Variants in ABR observed in about 807,000 individuals in gnomAD.
ABR encodes the protein active breakpoint cluster region-related protein.
Under a neutral mutation model 107.2 loss-of-function variants are expected in ABR, and 35 were observed. That is an observed-to-expected ratio of 0.33 (90% CI 0.25 to 0.43). ABR has a LOEUF of 0.43. Among genes scored for constraint, ABR ranks in the 20% least tolerant of loss-of-function variants. The pLI is 1.00. For missense variants in ABR, 815 were observed against 1,115.2 expected (o/e 0.73, Z 3.83); for synonymous variants, 498 against 462.0 (o/e 1.08, Z -1.00).
chr17:1,088,926 C>T (rs111289000), intron 4 of ABR, among the ~76,000 whole-genome samples: 5 of 129,148 alleles, frequency 3.9e-5, no homozygotes, highest in South Asian at 2.6e-4. Context: ...GACAGAGTCT[C>T]AGTCTGTCAT....
intron 10 of ABR, among the ~76,000 whole-genome samples, chr17:1,061,707 C>A (rs997330512): frequency 6.6e-6 from 1 of 152,064 alleles, no homozygotes; most frequent in Non-Finnish European, 1.5e-5. Flanking sequence ...CCACCACACC[C>A]GGCTAACTTT....
chr17:1,106,000 T>C (rs751372245), intron 2 of ABR, among the ~76,000 whole-genome samples: 11 of 152,338 alleles, frequency 7.2e-5, no homozygotes, highest in South Asian at 4.1e-4. Flanking sequence ...TACCTATCTT[T>C]AAATAGAATG....
chr17:1,219,023 A>G (rs1347481017), intron 1 of ABR, among the ~76,000 whole-genome samples: 3 of 150,674 alleles, frequency 2.0e-5, no homozygotes, highest in Non-Finnish European at 4.4e-5. Flanking sequence ...TAATTCTAGT[A>G]TCCTTTTCTA....
intron 2 of ABR, among the ~76,000 whole-genome samples, chr17:1,107,127 G>A (rs1236554885): frequency 1.3e-5 from 2 of 152,240 alleles, no homozygotes; most frequent in African/African-American, 4.8e-5. Flanking sequence ...ATTCGAGAAA[G>A]GTCTCCTTCC....
chr17:1,222,136 C>T (rs942599406), intron 1 of ABR, among the ~76,000 whole-genome samples: 5 of 147,024 alleles, frequency 3.4e-5, no homozygotes, highest in South Asian at 2.1e-4. Flanking sequence ...GTGATCTCGG[C>T]TCACTGCAAC....
chr17:1,101,773 G>C (rs923590673), intron 2 of ABR, among the ~76,000 whole-genome samples: 3 of 146,706 alleles, frequency 2.0e-5, no homozygotes, highest in African/African-American at 5.1e-5. Context: ...TCGCTCTGTC[G>C]CCCAGGCTAG....
At chr17:1,103,515 T>C (rs967657528) in intron 2 of ABR, among the ~76,000 whole-genome samples, 2 of 152,098 alleles carry the variant, frequency 1.3e-5, no homozygotes, top group African/African-American at 4.8e-5. Flanking sequence ...TGGACTAGGA[T>C]GGGGGGAAGA....
intron 1 of ABR, among the ~76,000 whole-genome samples, chr17:1,186,335 G>A (rs1323267091): frequency 6.6e-6 from 1 of 152,256 alleles, no homozygotes; most frequent in Non-Finnish European, 1.5e-5. Context: ...GAGGTGAACT[G>A]GAAGCCCTTC....
rs1221910522 is a variant in ABR at position 1,140,331 on chromosome 17, T to G, written c.62-14964A>C. ...GGAGACATGTCTGGACTGAGAAGAC[T>G]CATGGCCATCCCTGTCAGAAGATCC... On this transcript the variant is annotated intron_variant, in intron 1 of 22. Coordinates refer to ENST00000302538, the MANE Select transcript of ABR (RefSeq NM_021962.5). Among the ~76,000 whole-genome samples the G allele has an allele frequency of 7.2e-5, 11 of 152,070 alleles. No individual in the cohort carries two copies. The South Asian group carries it at 1.0e-3, about 14-fold the overall frequency.
intron 1 of ABR, among the ~76,000 whole-genome samples, chr17:1,172,183 C>T (rs962899338): frequency 5.9e-5 from 9 of 152,222 alleles, no homozygotes; most frequent in African/African-American, 1.4e-4. Context: ...ACAGAGAACC[C>T]GCTGCTCCAT....
chr17:1,054,657 G>T (rs180848024), intron 14 of ABR, among the ~76,000 whole-genome samples: 21 of 31,432 alleles, frequency 6.7e-4, no homozygotes, highest in Non-Finnish European at 1.1e-3. Flanking sequence ...GGGGATGGGG[G>T]CACAAGGAAC....
At chr17:1,099,628 C>T (rs923419816) in intron 3 of ABR, among the ~76,000 whole-genome samples, 3 of 152,228 alleles carry the variant, frequency 2.0e-5, no homozygotes, top group Admixed American at 2.0e-4. Context: ...GATCACTCTG[C>T]ATAACATCCA....
chr17:1,068,781 C>T (rs926164689), intron 9 of ABR, among the ~76,000 whole-genome samples: 2 of 152,194 alleles, frequency 1.3e-5, no homozygotes, highest in Non-Finnish European at 2.9e-5. Flanking sequence ...GGGTTCCAGT[C>T]CCACCTGTGC....
At chr17:1,028,247 T>G (rs147776533) in intron 16 of ABR, among the ~76,000 whole-genome samples, 7 of 147,700 alleles carry the variant, frequency 4.7e-5, no homozygotes, top group Non-Finnish European at 1.0e-4. Flanking sequence ...CCCGCCACCA[T>G]GCCCGGCTAT....
chr17:1,037,021 T>TCCATCCACCCA lies in ABR; in HGVS notation c.1791+13028_1791+13029insTGGGTGGATGG, dbSNP rs1567625538. Among the ~76,000 whole-genome samples, 4 of 143,546 alleles carry TCCATCCACCCA rather than the reference T, an allele frequency of 2.8e-5. No individual in the cohort carries two copies. The highest frequency in any genetic ancestry group is 1.1e-4 in the African/African-American group (4 of 35,218). 94.2% of individuals were successfully genotyped at this position (143,546 alleles called of 152,430 possible). A position where few individuals can be genotyped will look rare whatever the true frequency, so the allele number is the denominator to read the frequency against. Reference sequence around the variant, plus strand: ...CATCCTTCCTTCCTTCCATCCTTCCTTCCTTCCATCCATCCACCCATCCAT... The same window carrying TCCATCCACCCA: ...CATCCTTCCTTCCTTCCATCCTTCCTCCATCCACCCATCCTTCCATCCATCCACCCATCCAT... On this transcript the variant is annotated intron_variant, in intron 16 of 22. Coordinates refer to ENST00000302538, the MANE Select transcript of ABR (RefSeq NM_021962.5). The surrounding 1 kb of genome is among the most constrained non-coding windows in gnomAD (Gnocchi z 4.6).
chr17:1,180,035 G>T (rs1447849338), upstream of ABR, among the ~76,000 whole-genome samples: 1 of 125,106 alleles, frequency 8.0e-6, no homozygotes, highest in Non-Finnish European at 1.7e-5. Flanking sequence ...CGGGGCTTTG[G>T]TGCGGGGGCG....
intron 1 of ABR, among the ~76,000 whole-genome samples, chr17:1,212,583 C>T (rs1035236365): frequency 1.3e-5 from 2 of 150,698 alleles, no homozygotes; most frequent in Non-Finnish European, 1.5e-5. Flanking sequence ...GGTGAAACCT[C>T]GTCTCTACTA....
intron 16 of ABR, among the ~76,000 whole-genome samples, chr17:1,030,895 C>T (rs1424351577): frequency 6.6e-6 from 1 of 152,260 alleles, no homozygotes; most frequent in Non-Finnish European, 1.5e-5. Flanking sequence ...GCGCTGGGCG[C>T]TGGGTCTGGC....
At chr17:1,080,254 C>T (rs1362995087) in intron 5 of ABR, among the ~76,000 whole-genome samples, 5 of 152,124 alleles carry the variant, frequency 3.3e-5, no homozygotes, top group Non-Finnish European at 7.4e-5. Flanking sequence ...CCCACCACTG[C>T]CCATGCTGGG....
Sources: gnomAD v4.1 joint callset for allele counts (sites outside exome capture counted in the v4.1 genomes callset) on GRCh38, gnomAD v4.1.1 for gene constraint, Gnocchi (gnomAD v3.1) non-coding constraint, MANE v1.5 for transcripts, NCBI Gene and HGNC (gene_info 2026-07-23, HGNC 2026-07-21) for gene names.